The following DRC4 variants were observed in gnomAD, a reference collection of about 807,000 sequenced individuals.
The protein encoded by DRC4 is dynein regulatory complex subunit 4, also known as GAS-11.
chr16:90,025,845 C>T, the DRC4 span, among the ~76,000 whole-genome samples: 461 of 144,274 alleles, frequency 3.2e-3, 1 homozygote, highest in African/African-American at 0.011. Context: ...CCAAGGCAGC[C>T]TGGATGACGA....
chr16:90,028,216 ACT>A, the DRC4 span, among the ~76,000 whole-genome samples: 1 of 104,960 alleles, frequency 9.5e-6, no homozygotes, highest in Admixed American at 1.5e-4. Context: ...ACGGAGTCTC[ACT>A]CTGTCGCCCA....
chr16:90,043,205 G>C, the DRC4 span: 5 of 1,612,080 alleles, frequency 3.1e-6, no homozygotes. Flanking sequence ...GGCCCATAAC[G>C]ACCTGCTGCG....
At chr16:90,034,621 C>CA in the DRC4 span, among the ~76,000 whole-genome samples, 4 of 149,986 alleles carry the variant, frequency 2.7e-5, no homozygotes, top group Non-Finnish European at 5.9e-5. Context: ...GAGTCTGTCT[C>CA]AAAAAAAAGA....
At chr16:90,026,787 A>C in the DRC4 span, among the ~76,000 whole-genome samples, 65 of 150,842 alleles carry the variant, frequency 4.3e-4, no homozygotes, top group African/African-American at 1.6e-3. Context: ...GGCTCAAGTG[A>C]TTGTCCTGCC....
chr16:90,042,931 A>T, the DRC4 span: 2 of 520,540 alleles, frequency 3.8e-6, no homozygotes, highest in South Asian at 5.2e-5. Flanking sequence ...CCCAGACCAC[A>T]GCTCTGCCCT....
At chr16:90,031,660 G>C in the DRC4 span, among the ~76,000 whole-genome samples, 3 of 152,316 alleles carry the variant, frequency 2.0e-5, no homozygotes, top group Non-Finnish European at 4.4e-5. Context: ...TGCAGGTCCT[G>C]AGGGTTTAAA....
chr16:90,043,260 A>G, the DRC4 span: 1 of 1,613,664 alleles, frequency 6.2e-7, no homozygotes, highest in Non-Finnish European at 8.5e-7. Context: ...CCTCTGGACA[A>G]CGTGGGCTTC....
chr16:90,032,999 T>A, the DRC4 span: 2 of 1,230,184 alleles, frequency 1.6e-6, no homozygotes, highest in South Asian at 1.3e-5. Flanking sequence ...AACTCCTGTT[T>A]ATTCAACAGC....
chr16:90,022,748 TG>T, the DRC4 span: 1 of 1,391,816 alleles, frequency 7.2e-7, no homozygotes, highest in Non-Finnish European at 9.4e-7. Context: ...GGAGCGGGGC[TG>T]GGGTCCTCGG....
At chr16:90,036,399 A>C in the DRC4 span, 16 of 1,607,030 alleles carry the variant, frequency 1.0e-5, no homozygotes, top group South Asian at 1.8e-4. Flanking sequence ...GCCAAGTATG[A>C]TAAGAAGATG....
chr16:90,044,240 A>G, the DRC4 span: 3 of 451,652 alleles, frequency 6.6e-6, no homozygotes, highest in South Asian at 3.1e-5. Context: ...ACCTCTGTCA[A>G]CAAAGAGGGG....
the DRC4 span, chr16:90,042,667 C>T: frequency 1.4e-6 from 1 of 723,532 alleles, no homozygotes; most frequent in Non-Finnish European, 2.4e-6. Flanking sequence ...TCACTGTCCC[C>T]ACGTGAGGGT....
the DRC4 span, chr16:90,027,734 G>A: frequency 2.0e-5 from 33 of 1,613,950 alleles, no homozygotes; most frequent in South Asian, 8.8e-5. Context: ...TGAGCAGAGC[G>A]GGCTGTGGCC....
At chr16:90,040,339 G>A in the DRC4 span, 10 of 1,602,346 alleles carry the variant, frequency 6.2e-6, no homozygotes, top group African/African-American at 6.7e-5. Flanking sequence ...GAAGTTCACC[G>A]CAGCCATCCA....
At chr16:90,038,165 C>T in the DRC4 span, among the ~76,000 whole-genome samples, 3 of 152,314 alleles carry the variant, frequency 2.0e-5, no homozygotes, top group East Asian at 1.9e-4. Context: ...ACATGACTTT[C>T]GTCCCCTCGA....
chr16:90,040,971 C>G, the DRC4 span, among the ~76,000 whole-genome samples: 1 of 152,162 alleles, frequency 6.6e-6, no homozygotes, highest in Admixed American at 6.5e-5. Flanking sequence ...GGGGCCTCAC[C>G]TGGGCCAGAG....
At chr16:90,020,139 C>T in the DRC4 span, 1 of 559,234 alleles carries the variant, frequency 1.8e-6, no homozygotes, top group Non-Finnish European at 3.2e-6. Context: ...ATTATATACA[C>T]ATTAGATCAT....
At chr16:90,040,420 G>A in the DRC4 span, 1 of 1,612,508 alleles carries the variant, frequency 6.2e-7, no homozygotes, top group South Asian at 1.1e-5. Flanking sequence ...GAGCGCCGCT[G>A]TGGAGAAGAA....
the DRC4 span, chr16:90,035,822 C>G: frequency 6.3e-7 from 1 of 1,579,686 alleles, no homozygotes; most frequent in Non-Finnish European, 8.6e-7. Context: ...AGAGAAAGAA[C>G]ATGGAAGTTT....
Sources: gnomAD v4.1 joint callset for allele counts (sites outside exome capture counted in the v4.1 genomes callset) on GRCh38, gnomAD v4.1.1 for gene constraint, MANE v1.5 for transcripts, NCBI Gene and HGNC (gene_info 2026-07-23, HGNC 2026-07-21) for gene names.